The following HIVEP1 variants were observed in gnomAD, a reference collection of about 807,000 sequenced individuals.
The protein encoded by HIVEP1 is zinc finger protein 40.
Under a neutral mutation model 180.0 loss-of-function variants are expected in HIVEP1, and 36 were observed. The ratio of observed to expected loss-of-function variants is 0.20; its 90% CI spans 0.15 to 0.26. The LOEUF is 0.26. Among genes scored for constraint, HIVEP1 ranks in the 10% least tolerant of loss-of-function variants. The probability of loss-of-function intolerance (pLI) is 1.00; values close to 1 mark genes in which losing one functional copy is unlikely to be tolerated. For missense variants in HIVEP1, 3,143 were observed against 3,268.7 expected, an observed-to-expected ratio of 0.96 and a Z score of 0.94; for synonymous variants, 1,239 against 1,239.0, an observed-to-expected ratio of 1.00 and a Z score of 0.00.
intron 2 of HIVEP1, among the ~76,000 whole-genome samples, chr6:12,084,570 AC>A (rs1040494380): frequency 6.8e-6 from 1 of 147,780 alleles, no homozygotes; most frequent in African/African-American, 2.4e-5. Context: ...AATAACACTT[AC>A]AGTTCACAGT....
At chr6:12,143,639 A>C (rs1027036321) in intron 7 of HIVEP1, among the ~76,000 whole-genome samples, 5 of 152,188 alleles carry the variant, frequency 3.3e-5, no homozygotes, top group Non-Finnish European at 2.9e-5. Context: ...AGAAAACCCC[A>C]TTGTCTCAGC....
At chr6:12,096,770 A>G (rs1484381228) in intron 3 of HIVEP1, among the ~76,000 whole-genome samples, 1 of 152,050 alleles carries the variant, frequency 6.6e-6, no homozygotes, top group Non-Finnish European at 1.5e-5. Flanking sequence ...TTAAGAAAAT[A>G]CAAGGACATA....
chr6:12,099,116 G>A (rs893482200), intron 3 of HIVEP1, among the ~76,000 whole-genome samples: 7 of 151,810 alleles, frequency 4.6e-5, no homozygotes, highest in Non-Finnish European at 8.8e-5. Context: ...GCAGGAGCCC[G>A]AGGAGCAGAC....
At chr6:12,106,860 T>A (rs1250378224) in intron 3 of HIVEP1, among the ~76,000 whole-genome samples, 1 of 152,214 alleles carries the variant, frequency 6.6e-6, no homozygotes, top group Non-Finnish European at 1.5e-5. Flanking sequence ...ATATTCTTTA[T>A]CGTATTTTCT....
In HIVEP1 at chr6:12,125,506, G is replaced by A. The variant is rs1349727753; in HGVS notation, c.5711G>A (p.Gly1904Asp). 3 of 1,613,962 alleles carry A rather than the reference G, an allele frequency of 1.9e-6. No homozygotes were observed. The highest frequency in any genetic ancestry group is 2.2e-5 in the East Asian group (1 of 44,896). Residue 1904 changes from glycine to aspartate, a missense_variant, in exon 4 of 9, where the codon GGT (glycine) becomes GAT (aspartate). Physicochemically the swap from Gly to Asp is moderately conservative, Grantham distance 94 (BLOSUM62 -1). This residue lies in a region of HIVEP1 where 1,357 missense variants were observed against 1,260.5 expected (regional missense o/e 1.08). Coordinates refer to ENST00000379388, the MANE Select transcript of HIVEP1 (RefSeq NM_002114.4). Reference protein sequence around the residue: ...ERKSPGVKNQGDKVNIQEQSQ... With the variant: ...ERKSPGVKNQDDKVNIQEQSQ... ...AAGTCTCCAGGGGTTAAAAATCAAG[G>A]TGACAAAGTGAACATCCAAGAGCAA...
At chr6:12,128,425 A>G (rs1758221283) in intron 4 of HIVEP1, among the ~76,000 whole-genome samples, 1 of 152,204 alleles carries the variant, frequency 6.6e-6, no homozygotes, top group Non-Finnish European at 1.5e-5. Flanking sequence ...TCTTAGTATT[A>G]TTAAGTCATT....
the HIVEP1 span, among the ~76,000 whole-genome samples, chr6:12,201,014 A>G: frequency 2.0e-5 from 3 of 152,224 alleles, no homozygotes; most frequent in African/African-American, 4.8e-5. Flanking sequence ...TGAATGTGTC[A>G]TCATTCTTTT....
At chr6:12,016,051 C>G (rs9470741) in intron 2 of HIVEP1, among the ~76,000 whole-genome samples, 22,003 of 151,858 alleles carry the variant, frequency 0.14, 1,627 homozygotes, top group Admixed American at 0.19. Flanking sequence ...CTCCATAGTT[C>G]TTTTGAGGTT....
intron 2 of HIVEP1, among the ~76,000 whole-genome samples, chr6:12,030,562 C>G (rs1372367762): frequency 1.3e-5 from 2 of 152,136 alleles, no homozygotes; most frequent in African/African-American, 4.8e-5. Flanking sequence ...TTGAGTCCCT[C>G]TAGTAAATTT....
At chr6:12,085,172 G>A (rs1199993540) in intron 2 of HIVEP1, among the ~76,000 whole-genome samples, 2 of 152,118 alleles carry the variant, frequency 1.3e-5, no homozygotes, top group African/African-American at 4.8e-5. Flanking sequence ...GAGCTATGCA[G>A]CTCTAGAGAA....
intron 2 of HIVEP1, among the ~76,000 whole-genome samples, chr6:12,046,154 C>T (rs1191617728): frequency 1.3e-5 from 2 of 151,980 alleles, no homozygotes; most frequent in Non-Finnish European, 2.9e-5. Flanking sequence ...TCTGAATTAC[C>T]TTTGTAGATT....
chr6:12,110,482 A>ACCTTGC (rs1774818791), intron 3 of HIVEP1, among the ~76,000 whole-genome samples: 1 of 152,212 alleles, frequency 6.6e-6, no homozygotes, highest in Admixed American at 6.5e-5. Flanking sequence ...CTGCTGCTTC[A>ACCTTGC]CCTTGCCCTT....
chr6:12,045,411 T>C (rs1770060391), intron 2 of HIVEP1, among the ~76,000 whole-genome samples: 1 of 152,196 alleles, frequency 6.6e-6, no homozygotes, highest in Non-Finnish European at 1.5e-5. Context: ...GGCAGATGTA[T>C]TTGTTTGTAT....
At chr6:12,064,305 C>T (rs1315718199) in intron 2 of HIVEP1, among the ~76,000 whole-genome samples, 1 of 152,086 alleles carries the variant, frequency 6.6e-6, no homozygotes, top group Admixed American at 6.5e-5. Flanking sequence ...TTCTGTGTTA[C>T]AACAGTCAGG....
At chr6:12,040,608 A>T (rs887353236) in intron 2 of HIVEP1, among the ~76,000 whole-genome samples, 1 of 152,190 alleles carries the variant, frequency 6.6e-6, no homozygotes, top group Non-Finnish European at 1.5e-5. Context: ...CTTTTTGCTC[A>T]ATGCATATAA....
intron 6 of HIVEP1, among the ~76,000 whole-genome samples, chr6:12,135,201 A>T (rs3777772): frequency 6.6e-6 from 1 of 152,102 alleles, no homozygotes; most frequent in Non-Finnish European, 1.5e-5. Context: ...GTAAAACCCT[A>T]TATCTATACC....
the HIVEP1 span, among the ~76,000 whole-genome samples, chr6:12,188,122 A>G: frequency 2.0e-5 from 3 of 152,352 alleles, no homozygotes; most frequent in Admixed American, 2.0e-4. Flanking sequence ...TCTGTCACTT[A>G]TGGATAACAA....
chr6:12,091,292 T>G (rs1773458478), intron 3 of HIVEP1, among the ~76,000 whole-genome samples: 1 of 152,120 alleles, frequency 6.6e-6, no homozygotes, highest in South Asian at 2.1e-4. Context: ...TTTTTCATTG[T>G]TTTTCTGACG....
intron 6 of HIVEP1, among the ~76,000 whole-genome samples, chr6:12,131,429 C>CTT (rs35625775): frequency 0.012 from 1,756 of 150,934 alleles, 30 homozygotes; most frequent in African/African-American, 0.04. Context: ...TTTCACAATG[C>CTT]TTTTTTTTAC....
Sources: gnomAD v4.1 joint callset for allele counts (sites outside exome capture counted in the v4.1 genomes callset) on GRCh38, gnomAD v4.1.1 for gene constraint, gnomAD v4.1.1 regional missense constraint, MANE v1.5 for transcripts, NCBI Gene and HGNC (gene_info 2026-07-23, HGNC 2026-07-21) for gene names.